Variants in DLGAP4 observed in about 807,000 individuals in gnomAD.
DLGAP4 encodes the protein disks large-associated protein 4.
Under a neutral mutation model 86.9 loss-of-function variants are expected in DLGAP4, and 18 were observed. The ratio of observed to expected loss-of-function variants is 0.21; its 90% confidence interval spans 0.14 to 0.31. The LOEUF (loss-of-function observed/expected upper bound fraction) is 0.31, where lower values mean the gene tolerates loss of function less well. DLGAP4 is among the 10% of genes least tolerant of loss of function. The probability of loss-of-function intolerance (pLI) is 1.00; values close to 1 mark genes in which losing one functional copy is unlikely to be tolerated. For synonymous variants in DLGAP4, 548 were observed against 574.3 expected, an observed-to-expected ratio of 0.95 and a Z score of 0.65; for missense variants, 1,085 against 1,362.6, an observed-to-expected ratio of 0.80 and a Z score of 3.21.
At chr20:36,357,260 G>T (rs962703211) in intron 1 of DLGAP4, among the ~76,000 whole-genome samples, 3 of 152,130 alleles carry the variant, frequency 2.0e-5, no homozygotes, top group Admixed American at 1.3e-4. Flanking sequence ...GGCGTGCTCT[G>T]TCCCTCTTCC....
At chr20:36,463,317 T>C (rs539794094) in intron 7 of DLGAP4, among the ~76,000 whole-genome samples, 1 of 152,352 alleles carries the variant, frequency 6.6e-6, no homozygotes, top group East Asian at 1.9e-4. Flanking sequence ...ACTGTTGTCA[T>C]GATGATCAAA....
chr20:36,306,838 G>A lies in DLGAP4; in HGVS notation c.-304+326G>A, dbSNP rs1352079061. On this transcript the variant is annotated intron_variant, in intron 1 of 12. Coordinates refer to ENST00000339266, the MANE Select transcript of DLGAP4 (RefSeq NM_001365621.2). The surrounding 1 kb of genome is among the most constrained non-coding windows in gnomAD (Gnocchi z 4.9). The stretch of plus-strand genomic sequence containing the variant: ...TCCCCATTCCGGCTCTTTTTCCCGC[G>A]GACTCCCCCGTACCCCATATCAAGC... Among the ~76,000 whole-genome samples the A allele has an allele frequency of 6.6e-6, 1 of 152,040 alleles. No individual in the cohort carries two copies. Among genetic ancestry groups the A allele is most frequent in the African/African-American group, 2.4e-5 (1 of 41,426 alleles).
At chr20:36,309,406 G>A (rs1251140174) in intron 1 of DLGAP4, among the ~76,000 whole-genome samples, 1 of 152,140 alleles carries the variant, frequency 6.6e-6, no homozygotes, top group African/African-American at 2.4e-5. Flanking sequence ...GACTTTTGAC[G>A]ACCTGGTCCA....
chr20:36,488,778 A>G (rs1293136247), intron 7 of DLGAP4, among the ~76,000 whole-genome samples: 5 of 152,092 alleles, frequency 3.3e-5, no homozygotes, highest in Admixed American at 2.0e-4. Flanking sequence ...GGGTTTTGCT[A>G]TGTTGGCCAG....
intron 2 of DLGAP4, among the ~76,000 whole-genome samples, chr20:36,380,050 G>T (rs1247716279): frequency 6.6e-6 from 1 of 151,860 alleles, no homozygotes; most frequent in Non-Finnish European, 1.5e-5. Flanking sequence ...AAGCATGGTG[G>T]CAGGCACCTC....
chr20:36,499,227 C>G, intron 8 of DLGAP4: 2 of 1,583,420 alleles, frequency 1.3e-6, no homozygotes, highest in African/African-American at 2.8e-5. Context: ...TTTTTTCTCT[C>G]TGATGCGTGT....
rs1355684974 is a variant in DLGAP4 at position 36,432,958 on chromosome 20, C to A, written c.999+242C>A. Among the ~76,000 whole-genome samples, 1 of 152,158 alleles carries A rather than the reference C, an allele frequency of 6.6e-6. No individual in the cohort carries two copies. Among genetic ancestry groups the A allele is most frequent in the African/African-American group, 2.4e-5 (1 of 41,428 alleles). ...CCCTGAGCAGGGACTAAAATATGTT[C>A]CTGCCCTTTAGAAGACAAATCTGGA... is the stretch of plus-strand genomic sequence containing the variant. On this transcript the variant is annotated intron_variant, in intron 3 of 12. Coordinates refer to ENST00000339266, the MANE Select transcript of DLGAP4 (RefSeq NM_001365621.2). The surrounding 1 kb of genome is among the most constrained non-coding windows in gnomAD (Gnocchi z 6.5).
intron 2 of DLGAP4, among the ~76,000 whole-genome samples, chr20:36,377,345 G>A (rs1346185882): frequency 6.6e-6 from 1 of 152,198 alleles, no homozygotes; most frequent in African/African-American, 2.4e-5. Flanking sequence ...AGCCCAGAGA[G>A]TGTGTGATTT....
chr20:36,480,792 G>A (rs1314297262), intron 7 of DLGAP4, among the ~76,000 whole-genome samples: 2 of 152,134 alleles, frequency 1.3e-5, no homozygotes, highest in Non-Finnish European at 2.9e-5. Context: ...AATTGCTTAA[G>A]CCCAGGAGTT....
At chr20:36,347,700 C>G (rs1277013042) in intron 1 of DLGAP4, among the ~76,000 whole-genome samples, 1 of 150,880 alleles carries the variant, frequency 6.6e-6, no homozygotes, top group Non-Finnish European at 1.5e-5. Context: ...GTGACATGCA[C>G]CTGTACTCCC....
chr20:36,467,116 G>A (rs1445670394), intron 7 of DLGAP4, among the ~76,000 whole-genome samples: 1 of 149,878 alleles, frequency 6.7e-6, no homozygotes, highest in Non-Finnish European at 1.5e-5. Flanking sequence ...GGCTCTGAGA[G>A]GATGGGGATT....
At chr20:36,498,465 C>G (rs1255769404) in intron 8 of DLGAP4, 2 of 152,354 alleles carry the variant, frequency 1.3e-5, no homozygotes, top group South Asian at 2.1e-4. Context: ...TTAGGACTAC[C>G]CTTGATTCCT....
At chr20:36,471,799 G>C (rs2147666149) in intron 7 of DLGAP4, among the ~76,000 whole-genome samples, 1 of 152,336 alleles carries the variant, frequency 6.6e-6, no homozygotes, top group Non-Finnish European at 1.5e-5. Flanking sequence ...TCAGCCCTCA[G>C]GCTGGAAATT....
At chr20:36,332,556 A>AT (rs1265309891) in intron 1 of DLGAP4, among the ~76,000 whole-genome samples, 1 of 151,598 alleles carries the variant, frequency 6.6e-6, no homozygotes, top group Admixed American at 6.6e-5. Context: ...CACCCAGCTA[A>AT]TTTTTGTATT....
At chr20:36,355,399 C>T (rs1019625969) in intron 1 of DLGAP4, among the ~76,000 whole-genome samples, 3 of 151,744 alleles carry the variant, frequency 2.0e-5, no homozygotes, top group South Asian at 2.1e-4. Context: ...CCAGGCTCAA[C>T]GATCCTCTCA....
intron 10 of DLGAP4, among the ~76,000 whole-genome samples, chr20:36,513,224 C>T (rs1328166469): frequency 1.3e-5 from 2 of 151,782 alleles, no homozygotes; most frequent in Non-Finnish European, 2.9e-5. Flanking sequence ...CTCATCAGTT[C>T]TGAGTGCTGC....
chr20:36,356,140 A>G (rs1555893812), intron 1 of DLGAP4, among the ~76,000 whole-genome samples: 1 of 152,266 alleles, frequency 6.6e-6, no homozygotes, highest in Non-Finnish European at 1.5e-5. Flanking sequence ...GCATTAGCAA[A>G]GCCAGCTTTA....
At chr20:36,390,309 A>G (rs1459547349) in intron 2 of DLGAP4, among the ~76,000 whole-genome samples, 1 of 152,192 alleles carries the variant, frequency 6.6e-6, no homozygotes, top group Non-Finnish European at 1.5e-5. Flanking sequence ...CTGCACTCCC[A>G]TGATAGGAGA....
chr20:36,429,468 G>A (rs1361005146), intron 2 of DLGAP4, among the ~76,000 whole-genome samples: 3 of 134,144 alleles, frequency 2.2e-5, no homozygotes, highest in Non-Finnish European at 3.0e-5. Flanking sequence ...GCAGTGGCAC[G>A]ATCTCAGCTC....
Sources: allele counts gnomAD v4.1 joint callset (sites outside exome capture counted in the v4.1 genomes callset), GRCh38; gene constraint gnomAD v4.1.1; non-coding constraint Gnocchi (gnomAD v3.1); transcripts MANE v1.5; gene names NCBI Gene and HGNC (gene_info 2026-07-23, HGNC 2026-07-21).